Variants in DHX8 observed in about 807,000 individuals in gnomAD.
DHX8 encodes ATP-dependent RNA helicase DHX8.
DHX8 carries 67 observed loss-of-function variants against 140.7 expected under a neutral mutation model. The observed-to-expected ratio is 0.48, with a 90% confidence interval of 0.39 to 0.58. DHX8 has a LOEUF of 0.58. DHX8 is among the 20% of genes least tolerant of loss of function. The probability of loss-of-function intolerance (pLI) is 0.00; values close to 1 mark genes in which losing one functional copy is unlikely to be tolerated. For synonymous variants in DHX8, 533 were observed against 553.2 expected, an observed-to-expected ratio of 0.96 and a Z score of 0.51; for missense variants, 887 against 1,550.7, an observed-to-expected ratio of 0.57 and a Z score of 7.19.
Position 43,493,045 on chromosome 17 carries a change from T to C in DHX8, c.863+5T>C. On this transcript the variant is annotated splice_donor_5th_base_variant and intron_variant, in intron 6 of 22. Coordinates refer to ENST00000262415, the MANE Select transcript of DHX8 (RefSeq NM_004941.3). The stretch of plus-strand genomic sequence containing the variant: ...TGTGCAGCTGGAAGGACTAAGGTAA[T>C]GACTGGTGCTCTTTTGTTCACACCA... 1 of 1,609,858 alleles carries C rather than the reference T, an allele frequency of 6.2e-7. No homozygotes were observed. Among genetic ancestry groups the C allele is most frequent in the Non-Finnish European group, 8.5e-7 (1 of 1,176,506 alleles).
At chr17:43,487,983 G>T (rs2154586271) in intron 1 of DHX8, among the ~76,000 whole-genome samples, 1 of 151,250 alleles carries the variant, frequency 6.6e-6, no homozygotes, top group South Asian at 2.1e-4. Context: ...AAAAAAAAAT[G>T]AAAAAATAAA....
In DHX8 at chr17:43,515,547, A is replaced by G. The variant is rs530326446; in HGVS notation, c.2644-1620A>G. 2.0e-3 allele frequency among the ~76,000 whole-genome samples: 298 copies of G among 152,356 alleles called. 2 individuals are homozygous for G. The highest frequency in any genetic ancestry group is 3.5e-3 in the Non-Finnish European group (241 of 68,044). ...CTAGATACATGCATTGACTTGGTGC[A>G]TTCTCGCATTGATCCTATGTGGTAG... On this transcript the variant is annotated intron_variant, in intron 17 of 22. Coordinates refer to ENST00000262415, the MANE Select transcript of DHX8 (RefSeq NM_004941.3).
At chr17:43,514,256 G>A (rs762771830) in intron 17 of DHX8, among the ~76,000 whole-genome samples, 110 of 152,158 alleles carry the variant, frequency 7.2e-4, no homozygotes, top group Non-Finnish European at 1.2e-3. Flanking sequence ...GAGGTGGGAG[G>A]ATCACTTGAG....
In DHX8 at chr17:43,490,921, A is replaced by G. The variant is rs567591598; in HGVS notation, c.308-244A>G. ...AACGACTTAAGACAAAATAAAAAAGATAAGACATAACCCAATGAGTATTGC... is the reference window on the plus strand; with the variant it reads ...AACGACTTAAGACAAAATAAAAAAGGTAAGACATAACCCAATGAGTATTGC... On this transcript the variant is annotated intron_variant, in intron 3 of 22. Transcript: ENST00000262415. Among the ~76,000 whole-genome samples, 11 of 152,242 alleles carry G rather than the reference A, an allele frequency of 7.2e-5. No homozygotes were observed. In the East Asian group the frequency reaches 2.1e-3, roughly 29 times the overall value.
chr17:43,520,947 C>T, intron 20 of DHX8, 68 bp downstream of exon 20: 2 of 1,191,728 alleles, frequency 1.7e-6, no homozygotes, highest in Admixed American at 2.4e-5. Context: ...TGTTGCCATT[C>T]CAATGCTTGA....
chr17:43,514,438 C>T (rs1030722868), intron 17 of DHX8, among the ~76,000 whole-genome samples: 1 of 151,994 alleles, frequency 6.6e-6, no homozygotes, highest in Admixed American at 6.6e-5. Context: ...ATGGAAAGAT[C>T]AGTACTTTAT....
intron 2 of DHX8, among the ~76,000 whole-genome samples, chr17:43,531,830 G>A (rs1271190297): frequency 6.6e-6 from 1 of 152,174 alleles, no homozygotes; most frequent in Non-Finnish European, 1.5e-5. Flanking sequence ...TTAAGCCTCT[G>A]TGGGGATAGG....
chr17:43,538,462 T>C (rs12948043), intron 3 of DHX8, among the ~76,000 whole-genome samples: 41,577 of 152,028 alleles, frequency 0.27, 5,846 homozygotes, highest in Middle Eastern at 0.34. Context: ...CCAAGGTTGG[T>C]GATCCGAAGA....
intron 11 of DHX8, among the ~76,000 whole-genome samples, chr17:43,501,309 G>A (rs1273859704): frequency 1.3e-5 from 2 of 152,098 alleles, no homozygotes; most frequent in East Asian, 1.9e-4. Context: ...CCCGTGTTGG[G>A]TTTGTGGGGT....
intron 16 of DHX8, 147 bp downstream of exon 16, chr17:43,508,667 A>G (rs1288565285): frequency 1.3e-5 from 7 of 557,174 alleles, no homozygotes; most frequent in Non-Finnish European, 2.1e-5. Context: ...TCACCCAGGC[A>G]GGAGTGCAAT....
At chr17:43,500,917 A>T (rs969072655) in intron 11 of DHX8, among the ~76,000 whole-genome samples, 15 of 152,154 alleles carry the variant, frequency 9.9e-5, no homozygotes, top group Non-Finnish European at 2.2e-4. Flanking sequence ...CTCAAAAAAA[A>T]AATTTTTATT....
intron 11 of DHX8, among the ~76,000 whole-genome samples, chr17:43,501,775 A>G (rs1969214068): frequency 6.6e-6 from 1 of 152,138 alleles, no homozygotes; most frequent in African/African-American, 2.4e-5. Flanking sequence ...AGTGTGAGCC[A>G]CCGTGCCCAG....
downstream of DHX8, chr17:43,530,217 T>TG (rs1238271939): frequency 6.4e-7 from 1 of 1,552,130 alleles, no homozygotes; most frequent in Non-Finnish European, 8.7e-7. Context: ...AGAAGTGGCT[T>TG]GGGGTGGAGC....
intron 11 of DHX8, among the ~76,000 whole-genome samples, chr17:43,503,173 G>A (rs1257179652): frequency 6.6e-6 from 1 of 151,860 alleles, no homozygotes; most frequent in Non-Finnish European, 1.5e-5. Flanking sequence ...AACCAAGCTG[G>A]GCAATGTGGT....
At chr17:43,511,749 C>T (rs181894980) in intron 16 of DHX8, among the ~76,000 whole-genome samples, 13 of 150,752 alleles carry the variant, frequency 8.6e-5, no homozygotes, top group East Asian at 2.0e-4. Flanking sequence ...TGAGCCACCA[C>T]GCCTGGCAGA....
intron 8 of DHX8, among the ~76,000 whole-genome samples, chr17:43,495,859 G>A (rs1968828291): frequency 6.6e-6 from 1 of 152,170 alleles, no homozygotes; most frequent in Non-Finnish European, 1.5e-5. Context: ...AGCACTTTGG[G>A]AGGCCAAGGC....
intron 10 of DHX8, 140 bp from the exon 11 acceptor site, chr17:43,499,816 C>G (rs1044249788): frequency 6.8e-6 from 6 of 885,178 alleles, no homozygotes; most frequent in Admixed American, 2.3e-5. Context: ...TACGGTTTAT[C>G]CATTTCTTTC....
In DHX8 at chr17:43,522,210, A is replaced by G; in HGVS notation, c.3427A>G (p.Asn1143Asp). 1 of 1,613,488 alleles carries G rather than the reference A, an allele frequency of 6.2e-7. No homozygotes were observed. The highest frequency in any genetic ancestry group is 8.5e-7 in the Non-Finnish European group (1 of 1,179,578). ...VYIHPSSALF[N>D]RQPEWVVYHE... ...TATCCATCCTTCCAGTGCCCTCTTC[A>G]ACAGACAGCCAGAATGGTAGGTGGA... Residue 1143 changes from asparagine (N) to aspartate (D), a missense_variant, in exon 22 of 23, where the codon AAC becomes GAC. Around this residue, in one of 9 missense-constraint regions of DHX8, gnomAD observed 101 missense variants for 168.2 expected, o/e 0.60. Coordinates refer to ENST00000262415, the MANE Select transcript of DHX8 (RefSeq NM_004941.3).
downstream of DHX8, chr17:43,526,247 A>G (rs1970612137): frequency 7.8e-7 from 1 of 1,276,496 alleles, no homozygotes; most frequent in South Asian, 2.0e-5. Context: ...ACAGCCCAGG[A>G]GAGGATGTGG....
Sources: allele counts gnomAD v4.1 joint callset (sites outside exome capture counted in the v4.1 genomes callset), GRCh38; gene constraint gnomAD v4.1.1; regional missense constraint gnomAD v4.1.1; transcripts MANE v1.5; gene names NCBI Gene and HGNC (gene_info 2026-07-23, HGNC 2026-07-21).